Variants in ESYT2 observed in about 807,000 individuals in gnomAD.
ESYT2 encodes extended synaptotagmin 2, also known as extended synaptotagmin-2.
A neutral mutation model predicts 107.2 loss-of-function variants in ESYT2; 54 were observed. That is an observed-to-expected ratio of 0.50 (90% confidence interval 0.40 to 0.63). ESYT2 has a LOEUF of 0.63. Ranked by LOEUF, ESYT2 falls within the 30% of genes least tolerant of loss-of-function variation. The pLI is 0.00. For missense variants in ESYT2, 1,020 were observed against 1,094.5 expected, an observed-to-expected ratio of 0.93 and a Z score of 0.96; for synonymous variants, 491 against 434.1, an observed-to-expected ratio of 1.13 and a Z score of -1.63.
intron 7 of ESYT2, among the ~76,000 whole-genome samples, chr7:158,770,017 C>T (rs888660633): frequency 7.2e-5 from 11 of 151,736 alleles, no homozygotes; most frequent in Admixed American, 3.3e-4. Context: ...CTCCACCTCC[C>T]GAGTAGCTGG....
intron 19 of ESYT2, 55 bp downstream of exon 19, chr7:158,738,968 T>A (rs1158444471): frequency 6.5e-7 from 1 of 1,528,054 alleles, no homozygotes; most frequent in African/African-American, 1.4e-5. Context: ...CATCATCCTA[T>A]CCAGCATCCA....
intron 7 of ESYT2, among the ~76,000 whole-genome samples, chr7:158,768,102 A>G (rs1474538717): frequency 6.6e-6 from 1 of 152,242 alleles, no homozygotes; most frequent in East Asian, 1.9e-4. Context: ...TTCCTAAATA[A>G]CATTTAATGT....
intron 1 of ESYT2, among the ~76,000 whole-genome samples, chr7:158,800,996 C>T (rs369689814): frequency 6.6e-6 from 1 of 152,130 alleles, no homozygotes; most frequent in Non-Finnish European, 1.5e-5. Flanking sequence ...ACATCAGCAC[C>T]CCCCGAGTGG....
intron 7 of ESYT2, among the ~76,000 whole-genome samples, chr7:158,768,865 T>A (rs1360435671): frequency 6.6e-6 from 1 of 152,214 alleles, no homozygotes; most frequent in East Asian, 1.9e-4. Flanking sequence ...ACCCCTCATC[T>A]CTATTTAAAC....
At chr7:158,752,915 G>A in intron 13 of ESYT2, 72 bp from the exon 14 acceptor site, 4 of 1,038,466 alleles carry the variant, frequency 3.9e-6, no homozygotes, top group Non-Finnish European at 5.2e-6. Context: ...TAAGGTTAAA[G>A]ACATGAAAAT....
At chr7:158,790,607 T>C (rs574382582) in intron 4 of ESYT2, among the ~76,000 whole-genome samples, 18 of 152,300 alleles carry the variant, frequency 1.2e-4, no homozygotes, top group African/African-American at 3.8e-4. Context: ...TCTGTTTTTT[T>C]CCAATGTAAA....
intron 7 of ESYT2, among the ~76,000 whole-genome samples, chr7:158,773,027 AT>A (rs1244256422): frequency 3.3e-5 from 5 of 152,140 alleles, no homozygotes; most frequent in Non-Finnish European, 7.4e-5. Context: ...TTTTTACAAA[AT>A]ATTAAAAGAC....
chr7:158,767,925 C>T (rs1563638668), intron 7 of ESYT2, 151 bp from the exon 8 acceptor site: 5 of 821,936 alleles, frequency 6.1e-6, no homozygotes, highest in Non-Finnish European at 7.0e-6. Context: ...ATATTTACAA[C>T]CTGCATTTCA....
At chr7:158,826,439 G>A (rs1840447310) in intron 1 of ESYT2, among the ~76,000 whole-genome samples, 1 of 151,928 alleles carries the variant, frequency 6.6e-6, no homozygotes, top group East Asian at 1.9e-4. Flanking sequence ...TCTTCATGAG[G>A]TGAACACCAC....
intron 8 of ESYT2, among the ~76,000 whole-genome samples, chr7:158,767,383 C>T (rs936527753): frequency 1.3e-5 from 2 of 152,226 alleles, no homozygotes; most frequent in South Asian, 2.1e-4. Flanking sequence ...CCATGTACCC[C>T]TGCAGATTTA....
intron 1 of ESYT2, among the ~76,000 whole-genome samples, chr7:158,803,311 AAC>A (rs1398526645): frequency 1.3e-5 from 2 of 152,244 alleles, no homozygotes; most frequent in Admixed American, 6.5e-5. Context: ...GTGTAAAATC[AAC>A]ACAGTCTCAA....
intron 4 of ESYT2, 107 bp from the exon 5 acceptor site, chr7:158,788,524 A>T: frequency 1.0e-6 from 1 of 972,382 alleles, no homozygotes; most frequent in Non-Finnish European, 1.5e-6. Context: ...TAAAGCAACC[A>T]AATCAGATTG....
At chr7:158,817,439 A>G (rs1465691544) in intron 1 of ESYT2, among the ~76,000 whole-genome samples, 2 of 152,228 alleles carry the variant, frequency 1.3e-5, no homozygotes, top group Admixed American at 1.3e-4. Context: ...GAGTCCAGCT[A>G]TGATCTGGAG....
intron 13 of ESYT2, among the ~76,000 whole-genome samples, chr7:158,754,159 A>T (rs1837675352): frequency 6.6e-6 from 1 of 152,116 alleles, no homozygotes; most frequent in African/African-American, 2.4e-5. Flanking sequence ...GCTACTCACC[A>T]TCAGGAAGCA....
At chr7:158,805,059 G>A (rs960856134) in intron 1 of ESYT2, among the ~76,000 whole-genome samples, 1 of 152,222 alleles carries the variant, frequency 6.6e-6, no homozygotes, top group African/African-American at 2.4e-5. Flanking sequence ...TGTAAGGCAC[G>A]AGGATCTGAC....
intron 6 of ESYT2, among the ~76,000 whole-genome samples, chr7:158,775,466 TA>T (rs1838529288): frequency 6.6e-6 from 1 of 152,248 alleles, no homozygotes; most frequent in Non-Finnish European, 1.5e-5. Flanking sequence ...CTTTATCAAC[TA>T]AATTTATGTG....
intron 7 of ESYT2, among the ~76,000 whole-genome samples, chr7:158,772,038 C>T (rs1838389922): frequency 6.6e-6 from 1 of 151,764 alleles, no homozygotes; most frequent in Non-Finnish European, 1.5e-5. Flanking sequence ...GGGAGAATTG[C>T]TTGAACCTGG....
chr7:158,738,801 A>T (rs1398134867), intron 19 of ESYT2, among the ~76,000 whole-genome samples: 1 of 152,240 alleles, frequency 6.6e-6, no homozygotes, highest in Non-Finnish European at 1.5e-5. Context: ...ATACAGTATG[A>T]TCTTAGGGGA....
intron 1 of ESYT2, among the ~76,000 whole-genome samples, chr7:158,801,710 T>C (rs1411061824): frequency 6.6e-6 from 1 of 152,224 alleles, no homozygotes; most frequent in East Asian, 1.9e-4. Context: ...ATTATCTGTA[T>C]GAACTAGAAA....
Sources: allele counts gnomAD v4.1 joint callset (sites outside exome capture counted in the v4.1 genomes callset), GRCh38; gene constraint gnomAD v4.1.1; transcripts MANE v1.5; gene names NCBI Gene and HGNC (gene_info 2026-07-23, HGNC 2026-07-21).